Variants in CDHR3 observed in about 807,000 individuals in gnomAD.
The protein encoded by CDHR3 is cadherin related family member 3.
Under a neutral mutation model 86.6 loss-of-function variants are expected in CDHR3, and 79 were observed. That is an observed-to-expected ratio of 0.91 (90% confidence interval 0.76 to 1.10). The LOEUF is 1.10. Ranked by LOEUF, CDHR3 falls within the 50% of genes least tolerant of loss-of-function variation. The probability of loss-of-function intolerance (pLI) is 0.00; values close to 1 mark genes in which losing one functional copy is unlikely to be tolerated. For missense variants in CDHR3, 1,081 were observed against 1,077.6 expected, an observed-to-expected ratio of 1.00 and a Z score of -0.04; for synonymous variants, 421 against 402.4, an observed-to-expected ratio of 1.05 and a Z score of -0.55.
At chr7:106,031,671 G>A (rs1838390547) in intron 18 of CDHR3, among the ~76,000 whole-genome samples, 1 of 152,146 alleles carries the variant, frequency 6.6e-6, no homozygotes, top group South Asian at 2.1e-4. Flanking sequence ...ATCCTGAGCT[G>A]AGAGGCCACT....
chr7:106,015,269 ACT>A, intron 10 of CDHR3, 56 bp downstream of exon 10: 1 of 1,448,386 alleles, frequency 6.9e-7, no homozygotes, highest in South Asian at 1.2e-5. Flanking sequence ...CAATGACCAA[ACT>A]CTGCTGGGCA....
At chr7:106,015,488 C>T (rs1438396695) in intron 10 of CDHR3, among the ~76,000 whole-genome samples, 2 of 152,102 alleles carry the variant, frequency 1.3e-5, no homozygotes, top group East Asian at 3.8e-4. Flanking sequence ...CAAGATTTTT[C>T]ACCATTCGGT....
At chr7:106,025,910 A>G (rs984654946) in intron 15 of CDHR3, among the ~76,000 whole-genome samples, 1 of 152,216 alleles carries the variant, frequency 6.6e-6, no homozygotes, top group Non-Finnish European at 1.5e-5. Context: ...AATTGCTTGT[A>G]AGGATGGTGG....
intron 2 of CDHR3, 131 bp downstream of exon 2, chr7:105,975,177 T>C: frequency 1.2e-6 from 1 of 825,188 alleles, no homozygotes. Flanking sequence ...GGTCCAGGAG[T>C]CCTGTCTGAG....
In CDHR3 at chr7:106,035,040, C is replaced by T. The variant is rs980299171; in HGVS notation, c.*2343C>T. On this transcript the variant is annotated 3_prime_UTR_variant, in exon 19 of 19. Coordinates refer to ENST00000317716, the MANE Select transcript of CDHR3 (RefSeq NM_152750.5). ...GTTGCAGTGGGCTGAGATTGCGCCA[C>T]TGCACTCCAGCCTGGGTGACAAGGG... is the stretch of plus-strand genomic sequence containing the variant. Among the ~76,000 whole-genome samples, 4 of 151,332 alleles carry T rather than the reference C, an allele frequency of 2.6e-5. No homozygotes were observed. Among genetic ancestry groups the T allele is most frequent in the African/African-American group, 9.7e-5 (4 of 41,080 alleles).
At chr7:106,012,029 A>G (rs1011918988) in intron 8 of CDHR3, among the ~76,000 whole-genome samples, 9 of 152,260 alleles carry the variant, frequency 5.9e-5, no homozygotes, top group Non-Finnish European at 1.0e-4. Flanking sequence ...TCCCTAGCCC[A>G]GTTAGAAACT....
At chr7:106,006,753 C>CT (rs1833994527) in intron 8 of CDHR3, among the ~76,000 whole-genome samples, 1 of 152,210 alleles carries the variant, frequency 6.6e-6, no homozygotes, top group Non-Finnish European at 1.5e-5. Flanking sequence ...GTGCCTGTGG[C>CT]TTTTCCAGGT....
At chr7:105,987,488 T>G (rs904743718) in intron 4 of CDHR3, among the ~76,000 whole-genome samples, 1 of 152,208 alleles carries the variant, frequency 6.6e-6, no homozygotes, top group Non-Finnish European at 1.5e-5. Context: ...TTATTCTGGG[T>G]GCTTGGGGGT....
intron 14 of CDHR3, 36 bp downstream of exon 14, chr7:106,022,484 TCC>T (rs760134400): frequency 1.2e-6 from 2 of 1,602,002 alleles, no homozygotes; most frequent in Admixed American, 1.7e-5. Flanking sequence ...CCAGGCACAT[TCC>T]CTTGTGAGTT....
chr7:105,988,202 A>G (rs1293039012), intron 4 of CDHR3, among the ~76,000 whole-genome samples: 1 of 152,218 alleles, frequency 6.6e-6, no homozygotes, highest in Non-Finnish European at 1.5e-5. Context: ...ACACCGGTTT[A>G]TAAGTGTTTT....
At chr7:105,994,383 G>A (rs762160146) in intron 4 of CDHR3, among the ~76,000 whole-genome samples, 7 of 152,128 alleles carry the variant, frequency 4.6e-5, no homozygotes, top group Non-Finnish European at 8.8e-5. Flanking sequence ...TACAGTGTTG[G>A]TTAAAGCCAA....
Position 105,996,295 on chromosome 7 carries a change from C to A in CDHR3, c.654C>A (p.Ala218=). ...VEVRDSGGLK[A]STELQVNIVN... is the part of the protein sequence containing the mutation. ...TGAGGGACAGTGGAGGCCTCAAAGC[C>A]TCCACAGAGCTCCAGGTGAACATCG... is the stretch of plus-strand genomic sequence containing the variant. The change falls in exon 6 of 19, where the codon GCC becomes GCA. Residue 218 remains alanine, a synonymous_variant. Transcript: ENST00000317716. 3 of 1,600,932 alleles carry A rather than the reference C, an allele frequency of 1.9e-6. No homozygotes were observed. The highest frequency in any genetic ancestry group is 2.6e-6 in the Non-Finnish European group (3 of 1,169,512).
At chr7:105,994,933 C>A in intron 5 of CDHR3, 88 bp downstream of exon 5, 2 of 1,061,596 alleles carry the variant, frequency 1.9e-6, no homozygotes, top group Non-Finnish European at 2.8e-6. Flanking sequence ...AACCTGAGGG[C>A]AGCTGGGGGG....
rs368155894 is a variant in CDHR3, at chr7:106,024,485, C to G, written c.2181C>G (p.Leu727=). 1.2e-6 allele frequency: 2 copies of G among 1,614,064 alleles called. No homozygotes were observed. The highest frequency in any genetic ancestry group is 4.5e-5 in the East Asian group (2 of 44,888). The part of the protein sequence containing the change: ...TLGSILLLGL[L]VYLVVLLAKA... Reference sequence around the variant, plus strand: ...GCTCCATATTGCTTCTGGGTCTCCTCGTGTACCTGGTCGTCCTATTGGCCA... The same window carrying G: ...GCTCCATATTGCTTCTGGGTCTCCTGGTGTACCTGGTCGTCCTATTGGCCA... Residue 727 remains leucine, a synonymous_variant, in exon 15 of 19, where the codon CTC becomes CTG. Transcript: ENST00000317716.
chr7:105,988,429 T>C (rs1830844360), intron 4 of CDHR3, among the ~76,000 whole-genome samples: 1 of 152,224 alleles, frequency 6.6e-6, no homozygotes, highest in South Asian at 2.1e-4. Flanking sequence ...GCTTGGTTTG[T>C]GTCTGTCATC....
intron 12 of CDHR3, among the ~76,000 whole-genome samples, chr7:106,019,068 T>C (rs1040120748): frequency 6.6e-6 from 1 of 152,172 alleles, no homozygotes; most frequent in Non-Finnish European, 1.5e-5. Context: ...TTCCCATTAG[T>C]AAAGTAAAAA....
intron 17 of CDHR3, 104 bp downstream of exon 17, chr7:106,028,686 T>G: frequency 1.6e-6 from 2 of 1,235,152 alleles, no homozygotes; most frequent in South Asian, 2.7e-5. Context: ...ATGTTTATCA[T>G]TCAGGGAGGT....
chr7:105,984,325 C>T (rs1450709437), intron 4 of CDHR3, 36 bp downstream of exon 4: 21 of 1,538,214 alleles, frequency 1.4e-5, no homozygotes, highest in South Asian at 2.4e-5. Flanking sequence ...GGTGTTTGTC[C>T]GTGTTGGGTT....
At chr7:106,021,035 G>T (rs573214358) in intron 13 of CDHR3, among the ~76,000 whole-genome samples, 4 of 152,198 alleles carry the variant, frequency 2.6e-5, no homozygotes, top group Non-Finnish European at 5.9e-5. Flanking sequence ...AAAGCTGGTA[G>T]TGGGGGCAGG....
Sources: allele counts gnomAD v4.1 joint callset (sites outside exome capture counted in the v4.1 genomes callset), GRCh38; gene constraint gnomAD v4.1.1; transcripts MANE v1.5; gene names NCBI Gene and HGNC (gene_info 2026-07-23, HGNC 2026-07-21).